The following FBXL22 variants were observed in gnomAD, a reference collection of about 807,000 sequenced individuals.
FBXL22 encodes F-box and leucine rich repeat protein 22.
Under a neutral mutation model 11.7 loss-of-function variants are expected in FBXL22, and 13 were observed. That is an observed-to-expected ratio of 1.11 (90% CI 0.73 to 1.77). The LOEUF is 1.77. FBXL22 is among the 40% of genes most tolerant of loss of function. FBXL22 has a pLI of 0.00. For synonymous variants in FBXL22, 160 were observed against 144.1 expected, an observed-to-expected ratio of 1.11 and a Z score of -0.79; for missense variants, 406 against 320.4, an observed-to-expected ratio of 1.27 and a Z score of -2.04.
intron 1 of FBXL22, chr15:63,599,532 G>A (rs865897374): frequency 2.7e-6 from 3 of 1,098,088 alleles, no homozygotes; most frequent in Middle Eastern, 8.1e-4. Flanking sequence ...ACAAAACTGG[G>A]GGTGCAGAGG....
downstream of FBXL22, chr15:63,601,602 C>T (rs1295272672): frequency 3.8e-6 from 6 of 1,584,550 alleles, no homozygotes; most frequent in Non-Finnish European, 5.1e-6. Context: ...GCAGAAGGAG[C>T]CACCGAGCCG....
chr15:63,601,011 C>T lies in FBXL22; in HGVS notation c.668C>T (p.Ala223Val). ...CCCCCGCGCCCGCGCGCGCCCGCCG[C>T]GGCCCTCGGCAAGCTGCTGCAGCGC... The part of the protein sequence containing the change: ...DQPPRPRAPA[A>V]ALGKLLQR Residue 223 changes from alanine (A) to valine (V), a missense_variant, in exon 2 of 2, where the codon GCG (alanine) becomes GTG (valine). Transcript: ENST00000638704. 1 of 1,201,656 alleles carries T rather than the reference C, an allele frequency of 8.3e-7. No homozygotes were observed. The highest frequency in any genetic ancestry group is 1.0e-6 in the Non-Finnish European group (1 of 968,948). The allele number at this position is 1,201,656 out of a possible 1,614,324, so 74.4% of individuals were successfully genotyped here.
rs997335257 is a variant in FBXL22 at position 63,598,921 on chromosome 15, A to T, written c.353+1176A>T. ...CCTGAAGTTGTTCCATTCTTACTGT[A>T]AGAGAACCGAGCTTAATGCCCCAAA... On this transcript the variant is annotated intron_variant, in intron 1 of 1. Coordinates refer to ENST00000638704, the MANE Select transcript of FBXL22 (RefSeq NM_001367807.1). Among the ~76,000 whole-genome samples the T allele has an allele frequency of 2.0e-5, 3 of 152,160 alleles. No homozygotes were observed. In the East Asian group the frequency reaches 5.8e-4, roughly 29 times the overall value.
intron 1 of FBXL22, chr15:63,599,465 G>A: frequency 1.6e-6 from 2 of 1,252,752 alleles, no homozygotes; most frequent in Non-Finnish European, 2.0e-6. Flanking sequence ...TCCTGGGTCT[G>A]ACAGCAAATA....
chr15:63,604,395 C>T (rs374838479), downstream of FBXL22, among the ~76,000 whole-genome samples: 8 of 152,298 alleles, frequency 5.3e-5, no homozygotes, highest in South Asian at 1.2e-3. Flanking sequence ...CCAACTAACT[C>T]CCCTGCATCC....
At position 63,599,248 on chromosome 15, in the gene FBXL22, G is replaced by A. The variant is rs1032839393; in HGVS notation, c.354-1449G>A. The A allele has an allele frequency of 6.5e-6, 10 of 1,530,972 alleles. No homozygotes were observed. The African/African-American group carries it at 9.6e-5, about 15-fold the overall frequency. 94.8% of individuals were successfully genotyped at this position (1,530,972 alleles called of 1,614,324 possible). ...GTTCTTCTGGCACTCAGCTCAGGTC[G>A]GGAGGAATGGCTGAGGATGGCTGGG... On this transcript the variant is annotated intron_variant, in intron 1 of 1. Transcript: ENST00000638704.
At chr15:63,601,585 C>G (rs1312900830), downstream of FBXL22, 3 of 1,569,574 alleles carry the variant, frequency 1.9e-6, no homozygotes, top group Admixed American at 3.7e-5. Flanking sequence ...GAAGCAGGGG[C>G]GCACGGGCAG....
downstream of FBXL22, among the ~76,000 whole-genome samples, chr15:63,603,272 A>C (rs1216626349): frequency 6.6e-6 from 1 of 152,152 alleles, no homozygotes; most frequent in African/African-American, 2.4e-5. Context: ...CAGACATCAT[A>C]CTCAGCCCAT....
At chr15:63,605,400 TG>T, downstream of FBXL22, among the ~76,000 whole-genome samples, 1 of 152,082 alleles carries the variant, frequency 6.6e-6, no homozygotes, top group Non-Finnish European at 1.5e-5. Flanking sequence ...CTCATATCCT[TG>T]GGGGGCTAGA....
chr15:63,600,633 C>A (rs2067352030), intron 1 of FBXL22, 64 bp from the exon 2 acceptor site: 1 of 1,230,934 alleles, frequency 8.1e-7, no homozygotes, highest in South Asian at 4.1e-5. Context: ...CCACTCGGTC[C>A]CATGGGGCGG....
intron 1 of FBXL22, among the ~76,000 whole-genome samples, chr15:63,598,137 G>C (rs979999831): frequency 4.6e-5 from 7 of 152,106 alleles, no homozygotes; most frequent in African/African-American, 1.7e-4. Flanking sequence ...CTCAAGGCCT[G>C]GGAAACTACG....
chr15:63,601,317 A>C (rs773964896), downstream of FBXL22: 1 of 1,592,958 alleles, frequency 6.3e-7, no homozygotes, highest in Admixed American at 1.7e-5. Flanking sequence ...TGCGCTCCCC[A>C]CGGAGGCGGG....
At chr15:63,602,201 T>G (rs3934552), downstream of FBXL22, 71,665 of 152,730 alleles carry the variant, frequency 0.47, 17,744 homozygotes, top group Non-Finnish European at 0.54. Context: ...ATTGCTCAAA[T>G]AGGGAAACGG....
At chr15:63,605,275 T>C (rs1166611111), downstream of FBXL22, among the ~76,000 whole-genome samples, 3 of 152,136 alleles carry the variant, frequency 2.0e-5, no homozygotes, top group Non-Finnish European at 4.4e-5. Context: ...TTGAGTGATC[T>C]CCAAGCTTTG....
chr15:63,597,628 A>G lies in FBXL22; in HGVS notation c.236A>G (p.His79Arg). ...PALRSLSICW[H>R]SSRVQVCSIE... ...CTCCGCAGCCTCTCCATCTGCTGGCACTCCAGCCGCGTGCAGGTGTGCAGC... is the reference window on the plus strand; with the variant it reads ...CTCCGCAGCCTCTCCATCTGCTGGCGCTCCAGCCGCGTGCAGGTGTGCAGC... The change falls in exon 1 of 2, where the codon CAC (histidine) becomes CGC (arginine). Residue 79 changes from histidine (H) to arginine (R), a missense_variant. Transcript: ENST00000638704. This position sits in a 1 kb window ranked among gnomAD's most constrained non-coding sequence, Gnocchi z 4.3. 1 of 1,613,358 alleles carries G rather than the reference A, an allele frequency of 6.2e-7. No individual in the cohort carries two copies. Among genetic ancestry groups the G allele is most frequent in the Non-Finnish European group, 8.5e-7 (1 of 1,179,968 alleles).
rs1409105825 is a variant in FBXL22, at chr15:63,600,339, G to C, written c.354-358G>C. On this transcript the variant is annotated intron_variant, in intron 1 of 1. Coordinates refer to ENST00000638704, the MANE Select transcript of FBXL22 (RefSeq NM_001367807.1). Reference sequence around the variant, plus strand: ...CCAAGCACCGCTCCCCTGCAAGGCAGCACATCCAGAGCGAAACAAAGAGTC... The same window carrying C: ...CCAAGCACCGCTCCCCTGCAAGGCACCACATCCAGAGCGAAACAAAGAGTC... 3.8e-6 allele frequency: 4 copies of C among 1,052,690 alleles called. No individual in the cohort carries two copies. In the Admixed American group the frequency reaches 1.7e-4, roughly 44 times the overall value. The allele number at this position is 1,052,690 out of a possible 1,614,324, so 65.2% of individuals were successfully genotyped here. A position where few individuals can be genotyped will look rare whatever the true frequency, so the allele number is the denominator to read the frequency against.
chr15:63,607,500 G>C, the FBXL22 span, among the ~76,000 whole-genome samples: 2 of 152,198 alleles, frequency 1.3e-5, no homozygotes, highest in African/African-American at 4.8e-5. Context: ...CCCAAAGCTG[G>C]AGTCTCTCCC....
At chr15:63,600,644 T>G in intron 1 of FBXL22, 53 bp from the exon 2 acceptor site, 1 of 1,230,888 alleles carries the variant, frequency 8.1e-7, no homozygotes, top group African/African-American at 1.6e-5. Context: ...CATGGGGCGG[T>G]TGGGTAGCTT....
At chr15:63,601,867 A>G (rs1323504419), downstream of FBXL22, 1 of 834,614 alleles carries the variant, frequency 1.2e-6, no homozygotes, top group African/African-American at 1.8e-5. Flanking sequence ...TAATGGAACC[A>G]TTATAAGCTG....
Sources: allele counts gnomAD v4.1 joint callset (sites outside exome capture counted in the v4.1 genomes callset), GRCh38; gene constraint gnomAD v4.1.1; non-coding constraint Gnocchi (gnomAD v3.1); transcripts MANE v1.5; gene names NCBI Gene and HGNC (gene_info 2026-07-23, HGNC 2026-07-21).